Variants in CHODL observed in about 807,000 individuals in gnomAD.
CHODL encodes the protein chondrolectin, also known as transmembrane protein MT75.
A neutral mutation model predicts 34.5 loss-of-function variants in CHODL; 29 were observed. The observed-to-expected ratio is 0.84, with a 90% CI of 0.63 to 1.15. CHODL has a LOEUF of 1.15. Among genes scored for constraint, CHODL ranks in the 50% most tolerant of loss-of-function variants. The pLI, the probability that CHODL is intolerant of heterozygous loss-of-function variation, is 0.00. For missense variants in CHODL, 332 were observed against 332.5 expected (o/e 1.00, Z 0.01); for synonymous variants, 125 against 116.1 (o/e 1.08, Z -0.49).
chr21:17,955,151 C>A (rs2063486746), intron 1 of CHODL, among the ~76,000 whole-genome samples: 3 of 135,498 alleles, frequency 2.2e-5, no homozygotes, highest in Admixed American at 1.5e-4. Context: ...AAATTTTTAC[C>A]TTCAATGTTG....
intron 2 of CHODL, among the ~76,000 whole-genome samples, chr21:18,202,926 C>T (rs1601142895): frequency 6.6e-6 from 1 of 152,200 alleles, no homozygotes; most frequent in East Asian, 1.9e-4. Flanking sequence ...CGTTCAATGT[C>T]AGTTCTTAGC....
At chr21:18,005,214 G>C (rs758467799) in intron 1 of CHODL, among the ~76,000 whole-genome samples, 1 of 152,184 alleles carries the variant, frequency 6.6e-6, no homozygotes, top group Non-Finnish European at 1.5e-5. Flanking sequence ...ACTTGGGCCA[G>C]CTGCCAATTT....
chr21:18,122,469 C>T (rs1169715769), intron 2 of CHODL, among the ~76,000 whole-genome samples: 4 of 151,992 alleles, frequency 2.6e-5, no homozygotes, highest in Non-Finnish European at 5.9e-5. Context: ...TCTGTGTGCT[C>T]AAATGGCTGA....
chr21:18,191,466 G>A (rs184208685), intron 2 of CHODL, among the ~76,000 whole-genome samples: 1 of 152,308 alleles, frequency 6.6e-6, no homozygotes, highest in East Asian at 1.9e-4. Flanking sequence ...CAAGAATCTT[G>A]CACTTAAAGC....
At chr21:18,014,489 T>C (rs1422919888) in intron 1 of CHODL, among the ~76,000 whole-genome samples, 2 of 152,062 alleles carry the variant, frequency 1.3e-5, no homozygotes, top group Non-Finnish European at 2.9e-5. Flanking sequence ...AGAAGGGAGA[T>C]GATATAGTTT....
intron 2 of CHODL, among the ~76,000 whole-genome samples, chr21:18,214,135 A>G (rs1312699550): frequency 6.6e-6 from 1 of 151,936 alleles, no homozygotes; most frequent in Non-Finnish European, 1.5e-5. Context: ...CCTGTATCCA[A>G]TTTCCTTATT....
At chr21:17,950,718 A>C (rs144026064) in intron 1 of CHODL, among the ~76,000 whole-genome samples, 2 of 152,216 alleles carry the variant, frequency 1.3e-5, no homozygotes, top group Admixed American at 6.5e-5. Flanking sequence ...GAGAGAAACC[A>C]ATCAGCTTTT....
chr21:18,170,296 A>G (rs1423410425), intron 2 of CHODL, among the ~76,000 whole-genome samples: 2 of 151,818 alleles, frequency 1.3e-5, no homozygotes, highest in Non-Finnish European at 2.9e-5. Flanking sequence ...TTTATTTTCA[A>G]TTAGTTTGTG....
rs181901833 is a variant in CHODL at position 18,048,523 on chromosome 21, A to T, written c.-45+20552A>T. ...GAAAATCATTGCATTTAATACTGGG[A>T]AATAATAAAGCTGAAAATATGTAGC... On this transcript the variant is annotated intron_variant, in intron 2 of 6. Coordinates refer to the CHODL transcript ENST00000400127. Among the ~76,000 whole-genome samples the T allele has an allele frequency of 6.6e-5, 10 of 151,994 alleles. No homozygotes were observed. The South Asian group carries it at 1.0e-3, about 16-fold the overall frequency.
chr21:18,080,154 G>A (rs2064923962), intron 2 of CHODL, among the ~76,000 whole-genome samples: 1 of 152,032 alleles, frequency 6.6e-6, no homozygotes, highest in African/African-American at 2.4e-5. Context: ...ATTAGTTCAT[G>A]TTCTTTGCTC....
At chr21:18,137,580 T>A (rs2072748983) in intron 2 of CHODL, among the ~76,000 whole-genome samples, 1 of 152,186 alleles carries the variant, frequency 6.6e-6, no homozygotes, top group Non-Finnish European at 1.5e-5. Context: ...TCTCAACCTT[T>A]ATGCTATACC....
intron 2 of CHODL, among the ~76,000 whole-genome samples, chr21:18,183,790 T>A (rs939025150): frequency 7.2e-6 from 1 of 139,812 alleles, no homozygotes; most frequent in Non-Finnish European, 1.5e-5. Context: ...CAGAGTAAGG[T>A]TGGAACTCTG....
chr21:17,971,919 A>C (rs1463858026), intron 1 of CHODL, among the ~76,000 whole-genome samples: 1 of 152,228 alleles, frequency 6.6e-6, no homozygotes, highest in Non-Finnish European at 1.5e-5. Flanking sequence ...TCAATAAAAT[A>C]CTGGCAAACT....
chr21:18,241,450 G>T (rs1358701740), upstream of CHODL, among the ~76,000 whole-genome samples: 1 of 152,138 alleles, frequency 6.6e-6, no homozygotes, highest in African/African-American at 2.4e-5. Context: ...CATCTCAAAT[G>T]TATTAATGTA....
At chr21:17,979,207 C>T (rs576603318) in intron 1 of CHODL, among the ~76,000 whole-genome samples, 1 of 152,162 alleles carries the variant, frequency 6.6e-6, no homozygotes, top group Non-Finnish European at 1.5e-5. Flanking sequence ...CTTTGGGGGA[C>T]CATTTTGCCT....
intron 1 of CHODL, among the ~76,000 whole-genome samples, chr21:17,979,455 TTC>T (rs2063697028): frequency 6.6e-6 from 1 of 152,200 alleles, no homozygotes; most frequent in Admixed American, 6.5e-5. Context: ...GAATTTTTGG[TTC>T]TAATTTATAA....
intron 2 of CHODL, among the ~76,000 whole-genome samples, chr21:18,041,896 G>T (rs1395103843): frequency 6.6e-6 from 1 of 151,842 alleles, no homozygotes; most frequent in Non-Finnish European, 1.5e-5. Flanking sequence ...ATCCACTAGA[G>T]ATTAGCAATA....
chr21:18,099,210 G>T (rs1394121767), intron 2 of CHODL, among the ~76,000 whole-genome samples: 2 of 151,914 alleles, frequency 1.3e-5, no homozygotes, highest in African/African-American at 2.4e-5. Flanking sequence ...TAATTTAATT[G>T]TACATTTTAA....
intron 1 of CHODL, among the ~76,000 whole-genome samples, chr21:18,005,086 C>G (rs1209229425): frequency 6.6e-6 from 1 of 152,124 alleles, no homozygotes; most frequent in Non-Finnish European, 1.5e-5. Context: ...GGTGTGTACG[C>G]CATTTGTTAA....
Sources: gnomAD v4.1 joint callset for allele counts (sites outside exome capture counted in the v4.1 genomes callset) on GRCh38, gnomAD v4.1.1 for gene constraint, MANE v1.5 for transcripts, NCBI Gene and HGNC (gene_info 2026-07-23, HGNC 2026-07-21) for gene names.